The following GLS variants were observed in gnomAD, a reference collection of about 807,000 sequenced individuals.
The protein encoded by GLS is glutaminase kidney isoform, mitochondrial.
A neutral mutation model predicts 86.7 loss-of-function variants in GLS; 36 were observed. That is an observed-to-expected ratio of 0.42 (90% CI 0.32 to 0.55). The LOEUF (loss-of-function observed/expected upper bound fraction) is 0.55. GLS is among the 20% of genes least tolerant of loss of function. The probability of loss-of-function intolerance (pLI) is 0.17; values close to 1 mark genes in which losing one functional copy is unlikely to be tolerated. For synonymous variants in GLS, 317 were observed against 305.9 expected (o/e 1.04, Z -0.38); for missense variants, 528 against 833.4 (o/e 0.63, Z 4.51).
At chr2:190,940,922 T>C (rs1447961877) in intron 14 of GLS, among the ~76,000 whole-genome samples, 1 of 152,102 alleles carries the variant, frequency 6.6e-6, no homozygotes, top group African/African-American at 2.4e-5. Flanking sequence ...CTAAAAAAGA[T>C]TACCATCCCC....
In GLS at chr2:190,938,168, T is replaced by C. The variant is rs1690328926; in HGVS notation, c.1650+6531T>C. On this transcript the variant is annotated intron_variant, in intron 14 of 17. Transcript: ENST00000320717. The surrounding 1 kb of genome is among the most constrained non-coding windows in gnomAD (Gnocchi z 4.1). ...GGATATGATTTTTCTGTACATAGTA[T>C]GATTAAAAATAATGGTATTTTTTCA... Among the ~76,000 whole-genome samples, 2 of 151,486 alleles carry C rather than the reference T, an allele frequency of 1.3e-5. No homozygotes were observed. Among genetic ancestry groups the C allele is most frequent in the African/African-American group, 2.4e-5 (1 of 41,406 alleles).
intron 7 of GLS, among the ~76,000 whole-genome samples, chr2:190,917,551 G>A (rs1689579537): frequency 6.6e-6 from 1 of 152,134 alleles, no homozygotes; most frequent in Non-Finnish European, 1.5e-5. Flanking sequence ...TTTTCCAGAA[G>A]ATTTTCAGTT....
At chr2:190,942,067 CTTTTTTTTTTTTTTT>C (rs3036653) in intron 14 of GLS, among the ~76,000 whole-genome samples, 12 of 38,054 alleles carry the variant, frequency 3.2e-4, no homozygotes, top group African/African-American at 5.3e-4. Context: ...ACTTTGAAGA[CTTTTTTTTTTTTTTT>C]TTTTTTTTTT....
intron 1 of GLS, among the ~76,000 whole-genome samples, chr2:190,883,197 T>C (rs1041576607): frequency 1.3e-5 from 2 of 152,234 alleles, no homozygotes; most frequent in Non-Finnish European, 2.9e-5. Flanking sequence ...AATCACCTTT[T>C]AGCAAGGGCC....
In GLS at chr2:190,935,069, CTTTT is replaced by C; in HGVS notation, c.1650+3435_1650+3438del. Reference sequence around the variant, plus strand: ...TTTACAATGTAGCATATTTGATTTTCTTTTTTCTTTCTTTTTTTGGCATCATTAA... The same window carrying C: ...TTTACAATGTAGCATATTTGATTTTCTTCTTTCTTTTTTTGGCATCATTAA... On this transcript the variant is annotated intron_variant, in intron 14 of 17. Transcript: ENST00000320717. This position sits in a 1 kb window ranked among gnomAD's most constrained non-coding sequence, Gnocchi z 4.2. 1 of 944,086 alleles carries C rather than the reference CTTTT, an allele frequency of 1.1e-6. No individual in the cohort carries two copies. Among genetic ancestry groups the C allele is most frequent in the South Asian group, 4.9e-5 (1 of 20,324 alleles). The allele number at this position is 944,086 out of a possible 1,614,324, so 58.5% of individuals were successfully genotyped here. A position where few individuals can be genotyped will look rare whatever the true frequency, so the allele number is the denominator to read the frequency against.
At chr2:190,934,549 C>A (rs989984310) in intron 14 of GLS, 1 of 983,062 alleles carries the variant, frequency 1.0e-6, no homozygotes, top group East Asian at 1.1e-4. Context: ...GTTAGTTGCA[C>A]CAGGGCCATT....
intron 12 of GLS, among the ~76,000 whole-genome samples, chr2:190,928,634 C>T (rs1420091393): frequency 3.3e-5 from 5 of 151,138 alleles, no homozygotes; most frequent in African/African-American, 1.2e-4. Flanking sequence ...TGCACCTGGC[C>T]TATTATATTA....
chr2:190,951,546 T>C lies in GLS; in HGVS notation c.1651-2019T>C, dbSNP rs554524619. On this transcript the variant is annotated intron_variant, in intron 14 of 17. Coordinates refer to ENST00000320717, the MANE Select transcript of GLS (RefSeq NM_014905.5). This position sits in a 1 kb window ranked among gnomAD's most constrained non-coding sequence, Gnocchi z 4.2. ...TCTAGAGGATAAGTGTTTGAAGGAATAGATAAAAAGTAGTCTCAAAAATGA... is the reference window on the plus strand; with the variant it reads ...TCTAGAGGATAAGTGTTTGAAGGAACAGATAAAAAGTAGTCTCAAAAATGA... 1.3e-5 allele frequency among the ~76,000 whole-genome samples: 2 copies of C among 152,264 alleles called. No homozygotes were observed. Among genetic ancestry groups the C allele is most frequent in the South Asian group, 4.1e-4 (2 of 4,822 alleles).
chr2:190,936,775 C>G (rs1232312454), intron 14 of GLS, among the ~76,000 whole-genome samples: 1 of 151,134 alleles, frequency 6.6e-6, no homozygotes, highest in South Asian at 2.1e-4. Context: ...AAGTAATGCA[C>G]TTATATTGAG....
At chr2:190,948,918 ACT>A (rs1416882177) in intron 14 of GLS, among the ~76,000 whole-genome samples, 3 of 152,134 alleles carry the variant, frequency 2.0e-5, no homozygotes, top group African/African-American at 4.8e-5. Flanking sequence ...TATCTAATTG[ACT>A]CTGTCCCTAG....
chr2:190,924,919 A>C lies in GLS; in HGVS notation c.1248+326A>C, dbSNP rs1689851014. ...ACACAGTGAGACTCCGTCTCAAAAT[A>C]AATAAATGGATGTGTCACATTATGC... is the stretch of plus-strand genomic sequence containing the variant. On this transcript the variant is annotated intron_variant, in intron 11 of 17. Coordinates refer to ENST00000320717, the MANE Select transcript of GLS (RefSeq NM_014905.5). The surrounding 1 kb of genome is among the most constrained non-coding windows in gnomAD (Gnocchi z 5.2). 4.6e-6 allele frequency: 1 copy of C among 217,034 alleles called. No homozygotes were observed. Among genetic ancestry groups the C allele is most frequent in the Admixed American group, 5.5e-5 (1 of 18,216 alleles). The allele number at this position is 217,034 out of a possible 1,614,324, so 13.4% of individuals were successfully genotyped here. A position where few individuals can be genotyped will look rare whatever the true frequency, so the allele number is the denominator to read the frequency against.
intron 6 of GLS, among the ~76,000 whole-genome samples, chr2:190,907,622 C>T (rs926444549): frequency 5.9e-4 from 88 of 149,708 alleles, no homozygotes; most frequent in Non-Finnish European, 1.1e-3. Context: ...TATTTTTTAT[C>T]ATTATAAGTG....
chr2:190,908,601 T>A (rs1296144645), intron 6 of GLS, among the ~76,000 whole-genome samples: 2 of 152,360 alleles, frequency 1.3e-5, no homozygotes, highest in East Asian at 1.9e-4. Flanking sequence ...AAAACTTTTT[T>A]AAATTAAAAA....
At position 190,955,360 on chromosome 2, in the gene GLS, C is replaced by T. The variant is rs964993689; in HGVS notation, c.1853+542C>T. Among the ~76,000 whole-genome samples the T allele has an allele frequency of 1.1e-4, 17 of 152,130 alleles. No homozygotes were observed. The highest frequency in any genetic ancestry group is 3.1e-4 in the African/African-American group (13 of 41,420). On this transcript the variant is annotated intron_variant, in intron 17 of 17. Coordinates refer to ENST00000320717, the MANE Select transcript of GLS (RefSeq NM_014905.5). This position sits in a 1 kb window ranked among gnomAD's most constrained non-coding sequence, Gnocchi z 5.6. Reference sequence around the variant, plus strand: ...GTTCTCACTGTTCCACTCCCACTTACGAGGGAGAACATGAAGTGTTTGGTT... The same window carrying T: ...GTTCTCACTGTTCCACTCCCACTTATGAGGGAGAACATGAAGTGTTTGGTT...
Position 190,930,814 on chromosome 2 carries a change from TA to T in GLS, c.1557+247del, listed in dbSNP as rs1690084873. Reference sequence around the variant, plus strand: ...ATATTTTAATTTTCATGGTTATAATTAGTATGAATTTTCAAAAGCTCAACAA... The same window carrying T: ...ATATTTTAATTTTCATGGTTATAATTGTATGAATTTTCAAAAGCTCAACAA... On this transcript the variant is annotated intron_variant, in intron 13 of 17. Coordinates refer to ENST00000320717, the MANE Select transcript of GLS (RefSeq NM_014905.5). The surrounding 1 kb of genome is among the most constrained non-coding windows in gnomAD (Gnocchi z 5.0). 6.6e-6 allele frequency among the ~76,000 whole-genome samples: 1 copy of T among 152,320 alleles called. No individual in the cohort carries two copies. The highest frequency in any genetic ancestry group is 2.1e-4 in the South Asian group (1 of 4,828).
At chr2:190,904,551 A>G (rs1005290354) in intron 5 of GLS, among the ~76,000 whole-genome samples, 3 of 152,122 alleles carry the variant, frequency 2.0e-5, no homozygotes, top group African/African-American at 7.2e-5. Flanking sequence ...GATTCCACCA[A>G]CCACAGATCG....
In GLS at chr2:190,881,380, C is replaced by T. The variant is rs1456894086; in HGVS notation, c.296C>T (p.Ala99Val). The T allele has an allele frequency of 2.6e-6, 4 of 1,540,712 alleles. No homozygotes were observed. Among genetic ancestry groups the T allele is most frequent in the South Asian group, 1.2e-5 (1 of 83,626 alleles). The change falls in exon 1 of 18, where the codon GCC (alanine) becomes GTC (valine). Residue 99 changes from alanine to valine, a missense_variant. By Grantham distance (64) the Ala-to-Val change is moderately conservative. This residue lies in a region of GLS where 224 missense variants were observed against 187.9 expected (regional missense o/e 1.19). Coordinates refer to ENST00000320717, the MANE Select transcript of GLS (RefSeq NM_014905.5). The part of the protein sequence containing the change: ...HPQPGVSPPA[A>V]PAAPGPKDGP... ...CAGCCCGGGGTGTCGCCACCCGCTGCCCCGGCGGCGCCCGGCCCCAAGGAC... is the reference window on the plus strand; with the variant it reads ...CAGCCCGGGGTGTCGCCACCCGCTGTCCCGGCGGCGCCCGGCCCCAAGGAC...
Position 190,914,819 on chromosome 2 carries a change from C to T in GLS, c.1038+4498C>T, listed in dbSNP as rs926319131. Among the ~76,000 whole-genome samples the T allele has an allele frequency of 1.3e-5, 2 of 151,982 alleles. No individual in the cohort carries two copies. Among genetic ancestry groups the T allele is most frequent in the African/African-American group, 2.4e-5 (1 of 41,376 alleles). ...AGATGTCCTTGTTAACAGTGTTTTT[C>T]ACCTGTTATAAAGTATAATACATGA... On this transcript the variant is annotated intron_variant, in intron 7 of 17. Transcript: ENST00000320717. This position sits in a 1 kb window ranked among gnomAD's most constrained non-coding sequence, Gnocchi z 4.4.
chr2:190,932,647 C>G (rs777039040), intron 14 of GLS: 46 of 1,194,866 alleles, frequency 3.8e-5, no homozygotes, highest in Non-Finnish European at 4.9e-5. Flanking sequence ...TGAAAAATAC[C>G]ATTTTATAGC....
Sources: allele counts gnomAD v4.1 joint callset (sites outside exome capture counted in the v4.1 genomes callset), GRCh38; gene constraint gnomAD v4.1.1; regional missense constraint gnomAD v4.1.1; non-coding constraint Gnocchi (gnomAD v3.1); transcripts MANE v1.5; gene names NCBI Gene and HGNC (gene_info 2026-07-23, HGNC 2026-07-21).